SLC41A3: variants seen among roughly 807,000 people sequenced by gnomAD.
The protein encoded by SLC41A3 is SLC41A1-like 2.
Under a neutral mutation model 45.4 loss-of-function variants are expected in SLC41A3, and 44 were observed. The observed-to-expected ratio is 0.97, with a 90% CI of 0.76 to 1.25. SLC41A3 has a LOEUF of 1.25. SLC41A3 is among the 50% of genes most tolerant of loss of function. The pLI is 0.00. For missense variants in SLC41A3, 550 were observed against 600.6 expected (o/e 0.92, Z 0.88); for synonymous variants, 256 against 252.4 (o/e 1.01, Z -0.13).
chr3:126,015,551 T>C lies in SLC41A3; in HGVS notation c.913A>G (p.Lys305Glu). 6.2e-7 allele frequency: 1 copy of C among 1,614,228 alleles called. No homozygotes were observed. Among genetic ancestry groups the C allele is most frequent in the Non-Finnish European group, 8.5e-7 (1 of 1,180,020 alleles). The stretch of plus-strand genomic sequence containing the variant: ...TTGTACTGCTGTTTAGAAACGGTTT[T>C]GCTCAAGATGAGTCCTCCGAAACTG... ...ISSFGGLILS[K>E]TVSKQQYKGM... Residue 305 changes from lysine (K) to glutamate (E), a missense_variant, in exon 8 of 11, where the codon AAA becomes GAA. Transcript: ENST00000360370.
At position 126,097,443 on chromosome 3, in the gene SLC41A3, G is replaced by A. The variant is rs77606961; in HGVS notation, c.-79+3986C>T. Among the ~76,000 whole-genome samples the A allele has an allele frequency of 7.4e-4, 112 of 152,222 alleles. 1 individual carries two copies. The East Asian group carries it at 0.017, about 24-fold the overall frequency. On this transcript the variant is annotated intron_variant, in intron 1 of 9. Transcript: ENST00000508835. ...TTAGAGAGGCAATTCAGTAATTGCC[G>A]AACCACCACCCAACATTTTCAGTGG...
At chr3:126,053,000 T>A (rs1943438951) in intron 2 of SLC41A3, among the ~76,000 whole-genome samples, 1 of 152,172 alleles carries the variant, frequency 6.6e-6, no homozygotes, top group South Asian at 2.1e-4. Flanking sequence ...GGTCCCATCC[T>A]CCTTGCCAGA....
At chr3:126,090,872 A>G (rs4447711) in intron 1 of SLC41A3, among the ~76,000 whole-genome samples, 48,378 of 152,008 alleles carry the variant, frequency 0.32, 7,831 homozygotes, top group Non-Finnish European at 0.35. Flanking sequence ...CTCCAAGTCA[A>G]TAACAGATAC....
intron 4 of SLC41A3, among the ~76,000 whole-genome samples, chr3:126,028,767 G>A (rs1461264560): frequency 1.3e-5 from 2 of 152,282 alleles, no homozygotes; most frequent in Non-Finnish European, 2.9e-5. Flanking sequence ...GCGGAACCCT[G>A]CAAAGCCACA....
chr3:126,019,850 A>C (rs1447276790), intron 6 of SLC41A3, among the ~76,000 whole-genome samples: 1 of 151,796 alleles, frequency 6.6e-6, no homozygotes, highest in Non-Finnish European at 1.5e-5. Flanking sequence ...ACAGCTCTGC[A>C]GTCCTGGGGT....
intron 4 of SLC41A3, among the ~76,000 whole-genome samples, chr3:126,031,601 GA>G (rs1227424837): frequency 6.6e-6 from 1 of 152,200 alleles, no homozygotes; most frequent in Non-Finnish European, 1.5e-5. Flanking sequence ...TGATGATTCA[GA>G]GTTAATTAAG....
chr3:126,009,058 G>A (rs918790667), intron 9 of SLC41A3, among the ~76,000 whole-genome samples, 178 bp from the exon 10 acceptor site: 5 of 152,154 alleles, frequency 3.3e-5, no homozygotes, highest in African/African-American at 9.7e-5. Context: ...CCCTTCCCTC[G>A]TGGAGCTGAT....
At chr3:126,015,701 C>T (rs983784583) in intron 7 of SLC41A3, 128 bp from the exon 8 acceptor site, 4 of 865,720 alleles carry the variant, frequency 4.6e-6, no homozygotes, top group African/African-American at 3.3e-5. Context: ...CTCCCCTACA[C>T]AAAATATCTG....
intron 4 of SLC41A3, 144 bp downstream of exon 4, chr3:126,033,463 G>T: frequency 1.2e-6 from 1 of 834,432 alleles, no homozygotes; most frequent in Non-Finnish European, 1.9e-6. Flanking sequence ...GTGGTCTATT[G>T]GATGTGGGAG....
chr3:126,067,981 A>G lies in SLC41A3; in HGVS notation c.239T>C (p.Leu80Pro). 2 of 1,612,902 alleles carry G rather than the reference A, an allele frequency of 1.2e-6. No individual in the cohort carries two copies. Among genetic ancestry groups the G allele is most frequent in the Admixed American group, 1.7e-5 (1 of 59,750 alleles). Residue 80 changes from leucine (L) to proline (P), a missense_variant, in exon 2 of 11, where the codon CTG becomes CCG. Transcript: ENST00000360370. ...GTCCAGAAGCATGCCGGCCCAGGAC[A>G]GTCCCAGGCCTGCAAACATGAAGGG... ...TVPFMFAGLG[L>P]SWAGMLLDYF...
At chr3:126,020,350 C>A (rs1441403017) in intron 6 of SLC41A3, among the ~76,000 whole-genome samples, 1 of 152,150 alleles carries the variant, frequency 6.6e-6, no homozygotes, top group Admixed American at 6.5e-5. Flanking sequence ...TGGGCCTTTT[C>A]CCCCTTGTCT....
At chr3:126,094,634 A>G (rs1254657624) in intron 1 of SLC41A3, among the ~76,000 whole-genome samples, 2 of 152,224 alleles carry the variant, frequency 1.3e-5, no homozygotes, top group Non-Finnish European at 2.9e-5. Flanking sequence ...TTTCTTTACT[A>G]TCCCTTTAGC....
intron 1 of SLC41A3, among the ~76,000 whole-genome samples, chr3:126,090,494 T>G (rs1945469670): frequency 6.6e-6 from 1 of 152,230 alleles, no homozygotes; most frequent in Admixed American, 6.5e-5. Flanking sequence ...AATTATTTCT[T>G]GGCTACAATA....
chr3:126,082,196 C>G (rs1385296671), intron 1 of SLC41A3, among the ~76,000 whole-genome samples: 2 of 152,186 alleles, frequency 1.3e-5, no homozygotes, highest in Non-Finnish European at 2.9e-5. Context: ...ACAGCTCGTG[C>G]AGATGAACAA....
rs57581225 is a variant in SLC41A3 at position 126,044,895 on chromosome 3, C to CAAAAAAAAAAAAAAA, written c.381+6033_381+6047dup. 5.4e-4 allele frequency among the ~76,000 whole-genome samples: 45 copies of CAAAAAAAAAAAAAAA among 82,722 alleles called. 4 individuals carry two copies. Among genetic ancestry groups the CAAAAAAAAAAAAAAA allele is most frequent in the East Asian group, 6.0e-4 (2 of 3,308 alleles). 54.3% of individuals were successfully genotyped at this position (82,722 alleles called of 152,430 possible). On this transcript the variant is annotated intron_variant, in intron 3 of 10. Coordinates refer to ENST00000360370, the MANE Select transcript of SLC41A3 (RefSeq NM_017836.4). ...TGGGCGACAGAGCGAGACTCCATCT[C>CAAAAAAAAAAAAAAA]AAAAAAAAAAAAAAAAAAAAAAAAA...
intron 4 of SLC41A3, among the ~76,000 whole-genome samples, chr3:126,031,707 A>G (rs1266680020): frequency 6.6e-6 from 1 of 152,236 alleles, no homozygotes; most frequent in Non-Finnish European, 1.5e-5. Context: ...CTTCATAAAC[A>G]TATGTTGAGA....
intron 2 of SLC41A3, among the ~76,000 whole-genome samples, chr3:126,059,301 A>AG (rs773959286): frequency 1.7e-4 from 25 of 144,032 alleles, no homozygotes; most frequent in Non-Finnish European, 2.5e-4. Flanking sequence ...AAAGAAAGAA[A>AG]GAAAGAAAGG....
rs780499594 is a variant in SLC41A3 at position 126,006,498 on chromosome 3, A to C, written c.*518T>G. ...TTGAGTGCAGATGAAGGGTTGTATG[A>C]GGCCCCATCCTGGGGAGGCTGTACA... On this transcript the variant is annotated 3_prime_UTR_variant, in exon 11 of 11. Transcript: ENST00000360370. The C allele has an allele frequency of 1.4e-5, 22 of 1,613,932 alleles. No individual in the cohort carries two copies. The Admixed American group carries it at 3.7e-4, about 27-fold the overall frequency.
At chr3:126,014,871 C>G (rs1940114460) in intron 8 of SLC41A3, among the ~76,000 whole-genome samples, 1 of 152,178 alleles carries the variant, frequency 6.6e-6, no homozygotes, top group Non-Finnish European at 1.5e-5. Flanking sequence ...AGGGGTCATC[C>G]ACACAAACCC....
Sources: allele counts gnomAD v4.1 joint callset (sites outside exome capture counted in the v4.1 genomes callset), GRCh38; gene constraint gnomAD v4.1.1; transcripts MANE v1.5; gene names NCBI Gene and HGNC (gene_info 2026-07-23, HGNC 2026-07-21).